IGBP1C: variants seen among roughly 807,000 people sequenced by gnomAD.
IGBP1C encodes the protein IGBP1 family member C.
At chr17:58,678,818 T>TATAGTAATA in the IGBP1C span, among the ~76,000 whole-genome samples, 1 of 137,324 alleles carries the variant, frequency 7.3e-6, no homozygotes, top group Non-Finnish European at 1.5e-5. Flanking sequence ...GAACTTAAAG[T>TATAGTAATA]ATAATAATAA....
chr17:58,685,477 T>G, the IGBP1C span, among the ~76,000 whole-genome samples: 2 of 147,888 alleles, frequency 1.4e-5, no homozygotes, highest in African/African-American at 5.0e-5. Context: ...AGATAAATAG[T>G]AGTTAATTAG....
At chr17:58,686,931 G>A in the IGBP1C span, among the ~76,000 whole-genome samples, 1 of 147,204 alleles carries the variant, frequency 6.8e-6, no homozygotes, top group Non-Finnish European at 1.5e-5. Flanking sequence ...TAGAGCGCAG[G>A]GGAGGGATCT....
chr17:58,670,824 GA>G, the IGBP1C span, among the ~76,000 whole-genome samples: 1 of 132,538 alleles, frequency 7.5e-6, no homozygotes, highest in African/African-American at 2.8e-5. Flanking sequence ...ATATATTCTT[GA>G]AAATTCCTGA....
At chr17:58,679,598 A>G in the IGBP1C span, 1 of 152,274 alleles carries the variant, frequency 6.6e-6, no homozygotes. Flanking sequence ...GTAGAAAACC[A>G]CAGGGGTCAG....
the IGBP1C span, among the ~76,000 whole-genome samples, chr17:58,669,508 T>C: frequency 6.0e-5 from 9 of 150,776 alleles, no homozygotes. Context: ...CGAGGTTAAG[T>C]GGATCATTTG....
At chr17:58,677,152 G>A in the IGBP1C span, among the ~76,000 whole-genome samples, 1 of 151,290 alleles carries the variant, frequency 6.6e-6, no homozygotes, top group Non-Finnish European at 1.5e-5. Flanking sequence ...TTAGCCAGCC[G>A]TGGTGGCACA....
At chr17:58,680,678 A>G in the IGBP1C span, among the ~76,000 whole-genome samples, 1 of 151,956 alleles carries the variant, frequency 6.6e-6, no homozygotes, top group African/African-American at 2.4e-5. Flanking sequence ...GGAGGTTGCA[A>G]TGAGCTGAGA....
chr17:58,683,600 T>C, the IGBP1C span, among the ~76,000 whole-genome samples: 2 of 147,142 alleles, frequency 1.4e-5, no homozygotes, highest in East Asian at 2.0e-4. Flanking sequence ...CTGTCTCTAC[T>C]AAAAATACAA....
At chr17:58,679,637 A>C in the IGBP1C span, 3 of 152,196 alleles carry the variant, frequency 2.0e-5, no homozygotes, top group South Asian at 4.1e-4. Context: ...GACAAACCTC[A>C]CCCTGAAAAA....
the IGBP1C span, among the ~76,000 whole-genome samples, chr17:58,665,476 T>G: frequency 6.6e-6 from 1 of 151,992 alleles, no homozygotes; most frequent in South Asian, 2.1e-4. Context: ...TGCGTGGCTG[T>G]AGTCCAGCTA....
the IGBP1C span, among the ~76,000 whole-genome samples, chr17:58,683,381 A>C: frequency 6.1e-5 from 9 of 148,434 alleles, no homozygotes; most frequent in African/African-American, 1.7e-4. Context: ...CCCCCCCCCA[A>C]AAAAAAAAGG....
chr17:58,670,921 C>G, the IGBP1C span, among the ~76,000 whole-genome samples: 1 of 152,002 alleles, frequency 6.6e-6, no homozygotes, highest in African/African-American at 2.4e-5. Flanking sequence ...TGTAGCCATT[C>G]CACAATGTAT....
At chr17:58,662,974 G>A in the IGBP1C span, among the ~76,000 whole-genome samples, 2 of 152,002 alleles carry the variant, frequency 1.3e-5, no homozygotes, top group Non-Finnish European at 2.9e-5. Context: ...CGGGCGTGGT[G>A]GTGGGCACCT....
At chr17:58,683,253 A>G in the IGBP1C span, among the ~76,000 whole-genome samples, 1 of 151,318 alleles carries the variant, frequency 6.6e-6, no homozygotes, top group African/African-American at 2.4e-5. Flanking sequence ...CGTGTCTGTA[A>G]TCCCAGCTAC....
At chr17:58,676,337 T>C in the IGBP1C span, among the ~76,000 whole-genome samples, 1 of 151,036 alleles carries the variant, frequency 6.6e-6, no homozygotes, top group Non-Finnish European at 1.5e-5. Flanking sequence ...GATCACAGCA[T>C]TGCACTCCAG....
At chr17:58,683,277 G>A in the IGBP1C span, among the ~76,000 whole-genome samples, 4 of 151,594 alleles carry the variant, frequency 2.6e-5, no homozygotes, top group Non-Finnish European at 5.9e-5. Flanking sequence ...GGAGGCTGAG[G>A]CAGGAGAATT....
At chr17:58,687,761 G>A in the IGBP1C span, among the ~76,000 whole-genome samples, 1 of 152,196 alleles carries the variant, frequency 6.6e-6, no homozygotes, top group South Asian at 2.1e-4. Flanking sequence ...ACCTGAAAAT[G>A]TCTCGTTATT....
chr17:58,690,372 C>T, the IGBP1C span, among the ~76,000 whole-genome samples: 1 of 151,998 alleles, frequency 6.6e-6, no homozygotes, highest in Non-Finnish European at 1.5e-5. Context: ...TGCCCTGTTG[C>T]CCAGGCTGGT....
chr17:58,680,616 C>T, the IGBP1C span, among the ~76,000 whole-genome samples: 1 of 151,962 alleles, frequency 6.6e-6, no homozygotes, highest in South Asian at 2.1e-4. Flanking sequence ...GTGGCAGGCA[C>T]CTGTAATCCC....
Sources: gnomAD v4.1 joint callset for allele counts (sites outside exome capture counted in the v4.1 genomes callset) on GRCh38, gnomAD v4.1.1 for gene constraint, MANE v1.5 for transcripts, NCBI Gene and HGNC (gene_info 2026-07-23, HGNC 2026-07-21) for gene names.